Variants in ZNF362 observed in about 807,000 individuals in gnomAD.
The protein encoded by ZNF362 is zinc finger protein 362.
In ZNF362, 11 loss-of-function variants were observed where a neutral mutation model predicts 42.9. The observed-to-expected ratio is 0.26, with a 90% CI of 0.16 to 0.42. The LOEUF is 0.42. Among genes scored for constraint, ZNF362 ranks in the 20% least tolerant of loss-of-function variants. The pLI, the probability that ZNF362 is intolerant of heterozygous loss-of-function variation, is 1.00. For missense variants in ZNF362, 362 were observed against 576.2 expected (o/e 0.63, Z 3.81); for synonymous variants, 255 against 257.3 (o/e 0.99, Z 0.09).
At chr1:33,256,247 GCCCGCC>G (rs1372937632), upstream of ZNF362, among the ~76,000 whole-genome samples, 3 of 142,098 alleles carry the variant, frequency 2.1e-5, no homozygotes, top group African/African-American at 7.5e-5. Flanking sequence ...CCAGCGCGCG[GCCCGCC>G]CCCGCCCCCC....
chr1:33,275,397 C>T (rs1013621603), intron 2 of ZNF362: 14 of 985,308 alleles, frequency 1.4e-5, no homozygotes, highest in Non-Finnish European at 1.7e-5. Context: ...TAGCTTCAGC[C>T]TCTTCAGCCC....
chr1:33,194,950 C>A, the ZNF362 span: 1 of 151,744 alleles, frequency 6.6e-6, no homozygotes, highest in Admixed American at 6.6e-5. Flanking sequence ...GAAAAATGAG[C>A]CTCTGGAATG....
chr1:33,268,820 T>C (rs1165980743), intron 1 of ZNF362, among the ~76,000 whole-genome samples: 1 of 152,108 alleles, frequency 6.6e-6, no homozygotes, highest in Non-Finnish European at 1.5e-5. Context: ...CCAGAAATTG[T>C]CTGGAGGGAA....
intron 2 of ZNF362, among the ~76,000 whole-genome samples, chr1:33,273,106 C>T (rs998835138): frequency 3.3e-5 from 5 of 152,242 alleles, no homozygotes; most frequent in African/African-American, 4.8e-5. Flanking sequence ...GGATACCCAC[C>T]TCAAAGGCAT....
At chr1:33,284,106 G>A (rs537376473) in intron 6 of ZNF362, among the ~76,000 whole-genome samples, 4 of 152,316 alleles carry the variant, frequency 2.6e-5, no homozygotes, top group African/African-American at 9.6e-5. Context: ...CCTATACAAC[G>A]TGTAATGTGG....
the ZNF362 span, among the ~76,000 whole-genome samples, chr1:33,186,125 G>A: frequency 8.5e-5 from 13 of 152,180 alleles, no homozygotes; most frequent in Non-Finnish European, 1.9e-4. Context: ...ATTATTTGTG[G>A]ACATACTTAT....
In ZNF362 at chr1:33,299,070, C is replaced by T; in HGVS notation, c.*24C>T. ...GAGCCCACTGGAGGCGCCGCCCCAC[C>T]CGGCCCACTGGCAGACACAGACCCA... is the stretch of plus-strand genomic sequence containing the variant. On this transcript the variant is annotated 3_prime_UTR_variant, in exon 9 of 9. Coordinates refer to ENST00000539719, the MANE Select transcript of ZNF362 (RefSeq NM_152493.3). The T allele has an allele frequency of 6.3e-7, 1 of 1,583,262 alleles. No homozygotes were observed.
the ZNF362 span, among the ~76,000 whole-genome samples, chr1:33,135,057 G>A: frequency 6.6e-6 from 1 of 152,170 alleles, no homozygotes; most frequent in South Asian, 2.1e-4. Flanking sequence ...GAGCCGATGT[G>A]GGTGGATCAC....
At chr1:33,130,114 C>T in the ZNF362 span, among the ~76,000 whole-genome samples, 13 of 152,196 alleles carry the variant, frequency 8.5e-5, no homozygotes, top group African/African-American at 3.1e-4. Context: ...CTGCCTTGGC[C>T]TCCCAAAGTG....
chr1:33,253,503 C>T (rs750884346), upstream of ZNF362, among the ~76,000 whole-genome samples: 6 of 152,020 alleles, frequency 3.9e-5, no homozygotes, highest in Non-Finnish European at 7.4e-5. Flanking sequence ...GATAGCAAGG[C>T]CTTAGATGGC....
chr1:33,181,462 G>C, the ZNF362 span: 10 of 1,560,544 alleles, frequency 6.4e-6, no homozygotes, highest in African/African-American at 1.4e-5. The surrounding 1 kb of genome is among the most constrained non-coding windows in gnomAD (Gnocchi z 6.5). Flanking sequence ...AGGGGGGCCC[G>C]AGGGGCAGGG....
At chr1:33,133,511 G>A in the ZNF362 span, among the ~76,000 whole-genome samples, 3 of 152,206 alleles carry the variant, frequency 2.0e-5, no homozygotes, top group Non-Finnish European at 4.4e-5. Context: ...GACCACCGGC[G>A]GCACGTTTTC....
At chr1:33,202,990 G>A in the ZNF362 span, among the ~76,000 whole-genome samples, 1 of 151,934 alleles carries the variant, frequency 6.6e-6, no homozygotes, top group African/African-American at 2.4e-5. Flanking sequence ...CCTTTTGTGG[G>A]AATACCACCT....
chr1:33,292,378 T>C (rs1646084859), intron 6 of ZNF362, among the ~76,000 whole-genome samples: 1 of 152,242 alleles, frequency 6.6e-6, no homozygotes, highest in Non-Finnish European at 1.5e-5. Context: ...ATTTATTGAT[T>C]TGCGTATGTT....
At chr1:33,132,569 C>T in the ZNF362 span, among the ~76,000 whole-genome samples, 1 of 152,230 alleles carries the variant, frequency 6.6e-6, no homozygotes, top group Non-Finnish European at 1.5e-5. Flanking sequence ...TTCTTGGAGG[C>T]TCCCCCTAAC....
intron 6 of ZNF362, among the ~76,000 whole-genome samples, chr1:33,286,334 G>GTT (rs975459999): frequency 6.7e-6 from 1 of 148,774 alleles, no homozygotes. Context: ...GAAGAATTCT[G>GTT]TTTTTTTTTT....
the ZNF362 span, among the ~76,000 whole-genome samples, chr1:33,171,620 G>A: frequency 6.6e-6 from 1 of 152,156 alleles, no homozygotes; most frequent in Non-Finnish European, 1.5e-5. Context: ...TGAAAAATTT[G>A]CAGTTAGTCG....
At chr1:33,169,361 G>A in the ZNF362 span, among the ~76,000 whole-genome samples, 1 of 152,128 alleles carries the variant, frequency 6.6e-6, no homozygotes, top group East Asian at 1.9e-4. Context: ...GTTTGCTCTG[G>A]AATTTGTTCT....
intron 6 of ZNF362, among the ~76,000 whole-genome samples, chr1:33,288,835 C>T (rs1646052804): frequency 6.6e-6 from 1 of 150,808 alleles, no homozygotes; most frequent in East Asian, 2.0e-4. Context: ...TGGGTGCTCC[C>T]CTAGTGGGAA....
Sources: gnomAD v4.1 joint callset for allele counts (sites outside exome capture counted in the v4.1 genomes callset) on GRCh38, gnomAD v4.1.1 for gene constraint, Gnocchi (gnomAD v3.1) non-coding constraint, MANE v1.5 for transcripts, NCBI Gene and HGNC (gene_info 2026-07-23, HGNC 2026-07-21) for gene names.